The following CDH19 variants were observed in gnomAD, a reference collection of about 807,000 sequenced individuals.
CDH19 encodes the protein cadherin-19.
CDH19 carries 67 observed loss-of-function variants against 64.2 expected under a neutral mutation model. The observed-to-expected ratio is 1.04, with a 90% CI of 0.86 to 1.28. The LOEUF (loss-of-function observed/expected upper bound fraction) is 1.28. CDH19 is among the 50% of genes most tolerant of loss of function. The probability of loss-of-function intolerance (pLI) is 0.00; values close to 1 mark genes in which losing one functional copy is unlikely to be tolerated. For synonymous variants in CDH19, 346 were observed against 319.3 expected, an observed-to-expected ratio of 1.08 and a Z score of -0.89; for missense variants, 1,030 against 929.0, an observed-to-expected ratio of 1.11 and a Z score of -1.41.
At chr18:66,563,982 A>AT (rs1987814885) in intron 3 of CDH19, among the ~76,000 whole-genome samples, 1 of 151,924 alleles carries the variant, frequency 6.6e-6, no homozygotes, top group Non-Finnish European at 1.5e-5. Flanking sequence ...AAGAAGAGAA[A>AT]TTCATCCCAG....
chr18:66,540,766 C>T (rs1986858080), intron 7 of CDH19, among the ~76,000 whole-genome samples: 1 of 152,072 alleles, frequency 6.6e-6, no homozygotes, highest in African/African-American at 2.4e-5. Context: ...AAAATGGGAC[C>T]CACCTTGTAA....
chr18:66,593,952 T>C (rs569142222), intron 1 of CDH19, among the ~76,000 whole-genome samples: 6 of 152,188 alleles, frequency 3.9e-5, no homozygotes, highest in South Asian at 4.1e-4. Context: ...TTTTAGAAGA[T>C]AGATAATGTG....
At chr18:66,586,169 T>G (rs943326071) in intron 1 of CDH19, among the ~76,000 whole-genome samples, 1 of 152,000 alleles carries the variant, frequency 6.6e-6, no homozygotes, top group South Asian at 2.1e-4. Flanking sequence ...GAAAAACAGA[T>G]GGCAATTAAT....
chr18:66,514,369 AATAAGG>A (rs1174353077), intron 9 of CDH19, among the ~76,000 whole-genome samples: 1 of 151,540 alleles, frequency 6.6e-6, no homozygotes, highest in Non-Finnish European at 1.5e-5. Flanking sequence ...AATTTTGTAG[AATAAGG>A]ACCAAAAATA....
chr18:66,504,952 C>T lies in CDH19; in HGVS notation c.2179G>A (p.Gly727Arg). The T allele has an allele frequency of 3.1e-6, 5 of 1,613,466 alleles. No individual in the cohort carries two copies. The highest frequency in any genetic ancestry group is 4.2e-6 in the Non-Finnish European group (5 of 1,179,712). ...GAGCTCAGGGATCCAGCTAATGACC[C>T]TGTTCCCTCAAAAGCGTAGGTCTGG... ...SLQTYAFEGT[G>R]SLAGSLSSLE... Residue 727 changes from glycine to arginine, a missense_variant, in exon 12 of 12, where the codon GGG (glycine) becomes AGG (arginine). Gly to Arg is a moderately radical substitution (Grantham distance 125). Transcript: ENST00000262150.
At chr18:66,600,248 A>G (rs564080057) in intron 1 of CDH19, among the ~76,000 whole-genome samples, 109 of 152,006 alleles carry the variant, frequency 7.2e-4, no homozygotes, top group Non-Finnish European at 1.1e-3. Flanking sequence ...GACAGCTAGA[A>G]TATGCTGTTG....
At chr18:66,562,152 C>T (rs1987746324) in intron 3 of CDH19, among the ~76,000 whole-genome samples, 1 of 151,674 alleles carries the variant, frequency 6.6e-6, no homozygotes, top group African/African-American at 2.4e-5. Context: ...TGGGGATGGT[C>T]TGGGGATGAT....
chr18:66,515,422 A>C (rs1051974853), intron 9 of CDH19, among the ~76,000 whole-genome samples: 3 of 151,846 alleles, frequency 2.0e-5, no homozygotes, highest in African/African-American at 7.2e-5. Flanking sequence ...GGCAGAGTAC[A>C]AAATAATACA....
chr18:66,515,595 TCA>T (rs1598970806), intron 9 of CDH19, among the ~76,000 whole-genome samples: 1 of 151,784 alleles, frequency 6.6e-6, no homozygotes, highest in African/African-American at 2.4e-5. Context: ...AAAGGATTTT[TCA>T]CAAAGTTTCA....
At chr18:66,571,024 A>T (rs566488652) in intron 2 of CDH19, among the ~76,000 whole-genome samples, 1 of 151,720 alleles carries the variant, frequency 6.6e-6, no homozygotes, top group South Asian at 2.1e-4. Context: ...AACTGTGCGT[A>T]TTATTTACCT....
chr18:66,588,488 T>A (rs1241515172), intron 1 of CDH19, among the ~76,000 whole-genome samples: 2 of 151,614 alleles, frequency 1.3e-5, no homozygotes, highest in Admixed American at 1.3e-4. Flanking sequence ...GAGGTGATCC[T>A]GACAATCTTT....
intron 8 of CDH19, among the ~76,000 whole-genome samples, chr18:66,534,006 A>G (rs1227126068): frequency 6.6e-6 from 1 of 152,032 alleles, no homozygotes; most frequent in Non-Finnish European, 1.5e-5. Context: ...TTAATGATGT[A>G]GAATTTTTTA....
At chr18:66,520,532 A>G (rs1463984390) in intron 9 of CDH19, among the ~76,000 whole-genome samples, 2 of 151,962 alleles carry the variant, frequency 1.3e-5, no homozygotes, top group Non-Finnish European at 2.9e-5. Context: ...ATAACTGAAA[A>G]GAACAAAGAA....
intron 9 of CDH19, among the ~76,000 whole-genome samples, chr18:66,514,704 G>T (rs938120388): frequency 6.6e-6 from 1 of 151,392 alleles, no homozygotes; most frequent in African/African-American, 2.4e-5. Flanking sequence ...ATAATCATTT[G>T]CCTGCTATTA....
chr18:66,583,224 T>A (rs1988477026), intron 1 of CDH19, among the ~76,000 whole-genome samples: 2 of 152,116 alleles, frequency 1.3e-5, no homozygotes, highest in African/African-American at 4.8e-5. Context: ...ATATAAGCAT[T>A]GATAATTATA....
chr18:66,586,699 C>T (rs773345924), intron 1 of CDH19, among the ~76,000 whole-genome samples: 5 of 152,030 alleles, frequency 3.3e-5, no homozygotes, highest in African/African-American at 4.8e-5. Flanking sequence ...ATGATACTAA[C>T]ATTGTCTCAA....
chr18:66,592,620 C>G (rs4395180), intron 1 of CDH19, among the ~76,000 whole-genome samples: 51,336 of 151,500 alleles, frequency 0.34, 10,118 homozygotes, highest in Non-Finnish European at 0.45. Flanking sequence ...TTTCAAATAA[C>G]AGTTAGAACT....
At chr18:66,538,325 G>A (rs898669359) in intron 7 of CDH19, among the ~76,000 whole-genome samples, 2 of 151,940 alleles carry the variant, frequency 1.3e-5, no homozygotes, top group African/African-American at 4.8e-5. Flanking sequence ...AGTCCTATTT[G>A]ATTTTTTTCC....
intron 1 of CDH19, among the ~76,000 whole-genome samples, chr18:66,574,888 T>C (rs1311472513): frequency 6.6e-6 from 1 of 151,730 alleles, no homozygotes; most frequent in African/African-American, 2.4e-5. Context: ...TTTTAAAGTA[T>C]TGAAAATGAA....
Sources: gnomAD v4.1 joint callset for allele counts (sites outside exome capture counted in the v4.1 genomes callset) on GRCh38, gnomAD v4.1.1 for gene constraint, MANE v1.5 for transcripts, NCBI Gene and HGNC (gene_info 2026-07-23, HGNC 2026-07-21) for gene names.